PREX1: variants seen among roughly 807,000 people sequenced by gnomAD.
The protein encoded by PREX1 is phosphatidylinositol 3,4,5-trisphosphate-dependent Rac exchanger 1 protein.
A neutral mutation model predicts 198.3 loss-of-function variants in PREX1; 41 were observed. The ratio of observed to expected loss-of-function variants is 0.21; its 90% confidence interval spans 0.16 to 0.27. The LOEUF (loss-of-function observed/expected upper bound fraction) is 0.27, where lower values mean the gene tolerates loss of function less well. Among genes scored for constraint, PREX1 ranks in the 10% least tolerant of loss-of-function variants. The pLI is 1.00. For synonymous variants in PREX1, 843 were observed against 887.2 expected (o/e 0.95, Z 0.89); for missense variants, 1,620 against 2,200.7 (o/e 0.74, Z 5.28).
Position 48,632,270 on chromosome 20 carries a change from C to T in PREX1, c.4526+7G>A, listed in dbSNP as rs4616535. On this transcript the variant is annotated splice_region_variant and intron_variant, in intron 35 of 39. Coordinates refer to ENST00000371941, the MANE Select transcript of PREX1 (RefSeq NM_020820.4). ...TCCTGCCCCCAACGGGGACCCCAGG[C>T]GGATACCTGAGTTTGCGGTAATACT... 0.09 allele frequency: 145,897 copies of T among 1,613,364 alleles called. 7,476 individuals carry two copies. The highest frequency in any genetic ancestry group is 0.17 in the East Asian group (7,702 of 44,864).
In PREX1 at chr20:48,689,340, G is replaced by A. The variant is rs546998965; in HGVS notation, c.1187-536C>T. ...TATAGCACCTACTACATGCCAGTAC[G>A]CCACATGAGAAACCCGCAATAATAA... On this transcript the variant is annotated intron_variant, in intron 9 of 39. Coordinates refer to ENST00000371941, the MANE Select transcript of PREX1 (RefSeq NM_020820.4). 1.3e-4 allele frequency among the ~76,000 whole-genome samples: 20 copies of A among 152,122 alleles called. No individual in the cohort carries two copies. In the East Asian group the frequency reaches 2.9e-3, roughly 22 times the overall value.
chr20:48,887,460 A>C, the PREX1 span, among the ~76,000 whole-genome samples: 1 of 152,034 alleles, frequency 6.6e-6, no homozygotes, highest in Non-Finnish European at 1.5e-5. Context: ...TCTCTACAAA[A>C]TATACAAAAA....
chr20:48,720,515 G>A (rs2089980434), intron 5 of PREX1, among the ~76,000 whole-genome samples: 3 of 152,202 alleles, frequency 2.0e-5, no homozygotes, highest in South Asian at 4.2e-4. Context: ...TCTCTCAGAG[G>A]ACACTAGGAA....
rs777865756 is a variant in PREX1, at chr20:48,679,734, T to G, written c.1456A>C (p.Lys486Gln). The G allele has an allele frequency of 6.2e-7, 1 of 1,613,302 alleles. No homozygotes were observed. The highest frequency in any genetic ancestry group is 8.5e-7 in the Non-Finnish European group (1 of 1,179,358). The change falls in exon 12 of 40, where the codon AAG becomes CAG. Residue 486 changes from lysine (K) to glutamine (Q), a missense_variant. This residue lies in a region of PREX1 where 488 missense variants were observed against 802.5 expected (regional missense o/e 0.61). Coordinates refer to ENST00000371941, the MANE Select transcript of PREX1 (RefSeq NM_020820.4). The part of the protein sequence containing the change: ...IHHVSDKHQF[K>Q]NEQVMYRFRY... ...AAGCGATACATCACCTGCTCATTCT[T>G]GAACTGGTGCTTGTCGGAAACTGGA... is the stretch of plus-strand genomic sequence containing the variant.
the PREX1 span, among the ~76,000 whole-genome samples, chr20:48,864,291 G>A: frequency 6.6e-5 from 10 of 152,204 alleles, no homozygotes; most frequent in Admixed American, 2.6e-4. Context: ...GACCTATTAT[G>A]TTCAGGCACT....
chr20:48,828,978 G>C (rs2090527125), upstream of PREX1, among the ~76,000 whole-genome samples: 5 of 152,210 alleles, frequency 3.3e-5, no homozygotes, highest in South Asian at 1.0e-3. Context: ...CTCCCCACTT[G>C]CTGGCCGGGT....
intron 1 of PREX1, among the ~76,000 whole-genome samples, chr20:48,791,319 G>A (rs1478725140): frequency 6.6e-6 from 1 of 152,194 alleles, no homozygotes; most frequent in Non-Finnish European, 1.5e-5. Flanking sequence ...TGGCTGACAT[G>A]ACTGAGCTCC....
chr20:48,656,979 C>T (rs2089549256), intron 18 of PREX1, 61 bp downstream of exon 18: 2 of 1,524,204 alleles, frequency 1.3e-6, no homozygotes, highest in Admixed American at 4.0e-5. Context: ...CCACCCCAGC[C>T]CTCAGCCACC....
intron 3 of PREX1, 118 bp downstream of exon 3, chr20:48,744,906 AC>A (rs765261168): frequency 4.6e-5 from 62 of 1,345,746 alleles, no homozygotes; most frequent in Non-Finnish European, 5.9e-5. Flanking sequence ...CCACCTTGCT[AC>A]CCCATCTCCC....
At chr20:48,814,568 TGTG>T (rs2090451517) in intron 1 of PREX1, among the ~76,000 whole-genome samples, 4 of 151,922 alleles carry the variant, frequency 2.6e-5, no homozygotes, top group Middle Eastern at 3.4e-3. Flanking sequence ...TAGAAAGAAA[TGTG>T]GTGGGGCCTG....
At chr20:48,862,253 A>G in the PREX1 span, among the ~76,000 whole-genome samples, 1 of 152,078 alleles carries the variant, frequency 6.6e-6, no homozygotes, top group Non-Finnish European at 1.5e-5. Flanking sequence ...AAAACCAAAA[A>G]GGCTCTTATT....
chr20:48,829,043 G>A (rs1001583114), upstream of PREX1, among the ~76,000 whole-genome samples: 3 of 152,164 alleles, frequency 2.0e-5, no homozygotes, highest in African/African-American at 7.2e-5. Context: ...TCAGTATAAC[G>A]GGAACGATCA....
In PREX1 at chr20:48,726,280, A is replaced by G. The variant is rs950685030; in HGVS notation, c.621+10T>C. On this transcript the variant is annotated intron_variant, in intron 5 of 39. Coordinates refer to ENST00000371941, the MANE Select transcript of PREX1 (RefSeq NM_020820.4). ...AGTTTTCTGTCACTTCAAATACGGG[A>G]AAGTCTCACCTTAAGGAGGAGCGGG... 8 of 1,607,564 alleles carry G rather than the reference A, an allele frequency of 5.0e-6. No individual in the cohort carries two copies. In the African/African-American group the frequency reaches 1.1e-4, roughly 21 times the overall value.
At chr20:48,662,993 G>A (rs1052320835) in intron 15 of PREX1, among the ~76,000 whole-genome samples, 1 of 152,168 alleles carries the variant, frequency 6.6e-6, no homozygotes, top group Admixed American at 6.5e-5. Context: ...GCTGTCAGAG[G>A]GCCCCGAGGC....
intron 23 of PREX1, 101 bp downstream of exon 23, chr20:48,650,793 C>T: frequency 7.0e-7 from 1 of 1,418,572 alleles, no homozygotes; most frequent in Non-Finnish European, 9.6e-7. Flanking sequence ...TTTGTTTCAG[C>T]TGAGTTGGGT....
chr20:48,776,615 T>C (rs1362426684), intron 1 of PREX1, among the ~76,000 whole-genome samples: 1 of 152,218 alleles, frequency 6.6e-6, no homozygotes, highest in African/African-American at 2.4e-5. Context: ...AGAACACTGC[T>C]TGTAGGGCTG....
chr20:48,650,168 G>A lies in PREX1; in HGVS notation c.2856C>T (p.Phe952=), dbSNP rs1465207776. 6.2e-7 allele frequency: 1 copy of A among 1,613,632 alleles called. No homozygotes were observed. The highest frequency in any genetic ancestry group is 8.5e-7 in the Non-Finnish European group (1 of 1,179,872). Reference sequence around the variant, plus strand: ...GGTGGGGCTCCAGGGGGGCTTGTTTGAAGGGTGGGCTGACCCTGCTCTTCA... The same window carrying A: ...GGTGGGGCTCCAGGGGGGCTTGTTTAAAGGGTGGGCTGACCCTGCTCTTCA... ...AQLKSRVSPP[F]KQAPLEPHPL... is the part of the protein sequence containing the mutation. Residue 952 remains phenylalanine, a synonymous_variant, in exon 24 of 40, where the codon TTC becomes TTT. Coordinates refer to ENST00000371941, the MANE Select transcript of PREX1 (RefSeq NM_020820.4).
intron 6 of PREX1, among the ~76,000 whole-genome samples, chr20:48,701,338 G>A (rs1484428203): frequency 2.0e-5 from 3 of 152,054 alleles, no homozygotes; most frequent in East Asian, 1.9e-4. Flanking sequence ...TCAGCCTCCC[G>A]AGTAGCTGGG....
chr20:48,876,867 C>G, the PREX1 span, among the ~76,000 whole-genome samples: 5 of 152,164 alleles, frequency 3.3e-5, no homozygotes, highest in African/African-American at 1.2e-4. Flanking sequence ...ATTGGGGTAT[C>G]TGAATCTGGA....
Sources: gnomAD v4.1 joint callset for allele counts (sites outside exome capture counted in the v4.1 genomes callset) on GRCh38, gnomAD v4.1.1 for gene constraint, gnomAD v4.1.1 regional missense constraint, MANE v1.5 for transcripts, NCBI Gene and HGNC (gene_info 2026-07-23, HGNC 2026-07-21) for gene names.